The following TAFA2 variants were observed in gnomAD, a reference collection of about 807,000 sequenced individuals.
The protein encoded by TAFA2 is TAFA chemokine like family member 2.
A neutral mutation model predicts 18.8 loss-of-function variants in TAFA2; 7 were observed. That is an observed-to-expected ratio of 0.37 (90% CI 0.21 to 0.70). The LOEUF (loss-of-function observed/expected upper bound fraction) is 0.70. TAFA2 is among the 30% of genes least tolerant of loss of function. The probability of loss-of-function intolerance (pLI) is 0.53; values close to 1 mark genes in which losing one functional copy is unlikely to be tolerated. For missense variants in TAFA2, 122 were observed against 158.1 expected (o/e 0.77, Z 1.23); for synonymous variants, 60 against 54.2 (o/e 1.11, Z -0.47).
At chr12:62,235,428 A>G in intron 1 of TAFA2, 1 of 650,882 alleles carries the variant, frequency 1.5e-6, no homozygotes. Context: ...GCTGAGTTCT[A>G]CTTATCCTGG....
At chr12:61,965,320 C>A (rs1879030884) in intron 1 of TAFA2, among the ~76,000 whole-genome samples, 1 of 151,918 alleles carries the variant, frequency 6.6e-6, no homozygotes, top group African/African-American at 2.4e-5. Flanking sequence ...ACCAGACAAC[C>A]AAACCTGCCA....
chr12:61,994,140 T>C (rs1056960010), intron 1 of TAFA2, among the ~76,000 whole-genome samples: 6 of 152,142 alleles, frequency 3.9e-5, no homozygotes, highest in African/African-American at 7.2e-5. Flanking sequence ...ACTTGACCCA[T>C]TCAACCTTTT....
chr12:62,123,576 T>C (rs2136882890), intron 1 of TAFA2, among the ~76,000 whole-genome samples: 1 of 152,132 alleles, frequency 6.6e-6, no homozygotes, highest in South Asian at 2.1e-4. Flanking sequence ...CTCCTCATCA[T>C]TTCTGTCATT....
chr12:61,739,600 T>G (rs1022520067), intron 4 of TAFA2, among the ~76,000 whole-genome samples: 1 of 152,106 alleles, frequency 6.6e-6, no homozygotes, highest in Non-Finnish European at 1.5e-5. Context: ...TGAATTATTT[T>G]AAAGTTACCA....
chr12:61,784,810 T>G (rs906376429), intron 2 of TAFA2, among the ~76,000 whole-genome samples: 4 of 151,376 alleles, frequency 2.6e-5, no homozygotes, highest in Non-Finnish European at 4.4e-5. Context: ...TCTCTTTTCC[T>G]CTTCATTTTC....
At chr12:62,062,133 C>T (rs1343206955) in intron 1 of TAFA2, among the ~76,000 whole-genome samples, 1 of 152,048 alleles carries the variant, frequency 6.6e-6, no homozygotes, top group Non-Finnish European at 1.5e-5. Flanking sequence ...GAGATGGTAC[C>T]ACTGCACTCC....
intron 1 of TAFA2, among the ~76,000 whole-genome samples, chr12:61,876,310 C>T (rs1369591690): frequency 1.3e-5 from 2 of 152,054 alleles, no homozygotes; most frequent in Non-Finnish European, 2.9e-5. Flanking sequence ...TGCATGCTGG[C>T]AAAGGAGTGA....
At chr12:62,149,292 A>G (rs2062309368) in intron 1 of TAFA2, among the ~76,000 whole-genome samples, 1 of 152,104 alleles carries the variant, frequency 6.6e-6, no homozygotes, top group Admixed American at 6.6e-5. Flanking sequence ...TAAGACATAG[A>G]TCTAGGCAAT....
chr12:61,798,815 TAAAG>T (rs1207107744), intron 2 of TAFA2, among the ~76,000 whole-genome samples: 1 of 152,230 alleles, frequency 6.6e-6, no homozygotes, highest in East Asian at 1.9e-4. Flanking sequence ...AGACCAGTGA[TAAAG>T]AAATCTACTA....
intron 1 of TAFA2, among the ~76,000 whole-genome samples, chr12:62,051,967 T>TA (rs1398776737): frequency 3.9e-5 from 6 of 152,140 alleles, no homozygotes; most frequent in Non-Finnish European, 8.8e-5. Flanking sequence ...AAAGCACTAA[T>TA]AGACAATACA....
intron 1 of TAFA2, among the ~76,000 whole-genome samples, chr12:62,093,029 C>T (rs1444257): frequency 0.41 from 62,987 of 151,826 alleles, 13,629 homozygotes; most frequent in Middle Eastern, 0.53. Context: ...AGTCCATTCG[C>T]ATCTTCTTTA....
intron 2 of TAFA2, among the ~76,000 whole-genome samples, chr12:61,853,723 G>C (rs551622148): frequency 1.3e-5 from 2 of 152,250 alleles, no homozygotes; most frequent in Admixed American, 6.5e-5. Context: ...CCTGGTAGCA[G>C]GTTGGAAGTT....
chr12:62,192,881 G>C (rs1158731409), upstream of TAFA2: 1 of 152,154 alleles, frequency 6.6e-6, no homozygotes, highest in African/African-American at 2.4e-5. Context: ...AACCGGATTA[G>C]AACGCTTTAC....
At chr12:61,918,101 T>C (rs1876903957) in intron 1 of TAFA2, among the ~76,000 whole-genome samples, 1 of 152,174 alleles carries the variant, frequency 6.6e-6, no homozygotes, top group African/African-American at 2.4e-5. Context: ...CAATATGTAA[T>C]AATCACATGA....
chr12:62,189,413 T>C (rs2062607337), intron 1 of TAFA2, among the ~76,000 whole-genome samples: 1 of 152,196 alleles, frequency 6.6e-6, no homozygotes, highest in Non-Finnish European at 1.5e-5. Context: ...TACTGGTGGC[T>C]TTAAAAATTA....
rs530658211 is a variant in TAFA2 at position 61,848,104 on chromosome 12, CT to C, written c.106+19215del. ...TCAAAACTCATTATAAAACAGCTCA[CT>C]TTTTTTCTACTAACAGGTGACACTG... On this transcript the variant is annotated intron_variant, in intron 2 of 4. Coordinates refer to ENST00000416284, the MANE Select transcript of TAFA2 (RefSeq NM_178539.5). Among the ~76,000 whole-genome samples, 8 of 152,262 alleles carry C rather than the reference CT, an allele frequency of 5.3e-5. No homozygotes were observed. The South Asian group carries it at 8.3e-4, about 16-fold the overall frequency.
At chr12:62,174,860 C>T (rs938738540) in intron 1 of TAFA2, among the ~76,000 whole-genome samples, 1 of 152,182 alleles carries the variant, frequency 6.6e-6, no homozygotes, top group Non-Finnish European at 1.5e-5. Context: ...GATAACTTTT[C>T]TAATATAGCA....
At chr12:62,016,160 G>A (rs564015763) in intron 1 of TAFA2, among the ~76,000 whole-genome samples, 1 of 152,210 alleles carries the variant, frequency 6.6e-6, no homozygotes, top group Non-Finnish European at 1.5e-5. Flanking sequence ...CAGAACTCTG[G>A]GTCCTCGGTT....
chr12:61,916,702 A>G (rs1876835084), intron 1 of TAFA2, among the ~76,000 whole-genome samples: 1 of 152,152 alleles, frequency 6.6e-6, no homozygotes, highest in East Asian at 1.9e-4. Flanking sequence ...TTTTATTTAG[A>G]GAAAAAATTC....
Sources: gnomAD v4.1 joint callset for allele counts (sites outside exome capture counted in the v4.1 genomes callset) on GRCh38, gnomAD v4.1.1 for gene constraint, MANE v1.5 for transcripts, NCBI Gene and HGNC (gene_info 2026-07-23, HGNC 2026-07-21) for gene names.